TNS1: variants seen among roughly 807,000 people sequenced by gnomAD.
TNS1 encodes the protein tensin-1.
A neutral mutation model predicts 168.6 loss-of-function variants in TNS1; 62 were observed. The observed-to-expected ratio is 0.37, with a 90% confidence interval of 0.30 to 0.45. The LOEUF (loss-of-function observed/expected upper bound fraction) is 0.45. TNS1 is among the 20% of genes least tolerant of loss of function. The pLI is 1.00. For missense variants in TNS1, 2,240 were observed against 2,339.4 expected (o/e 0.96, Z 0.88); for synonymous variants, 934 against 933.2 (o/e 1.00, Z -0.02).
chr2:217,923,603 G>A (rs997333287), intron 3 of TNS1, among the ~76,000 whole-genome samples: 1 of 152,148 alleles, frequency 6.6e-6, no homozygotes. Context: ...ACACATCCAC[G>A]GAGCCATCCA....
chr2:217,997,629 G>A (rs1051291542), intron 1 of TNS1, among the ~76,000 whole-genome samples: 1 of 152,226 alleles, frequency 6.6e-6, no homozygotes, highest in Non-Finnish European at 1.5e-5. Context: ...ACTTGCTGCA[G>A]TCTAACGGCC....
At chr2:217,815,110 G>A in intron 24 of TNS1, 112 bp from the exon 25 acceptor site, 2 of 822,670 alleles carry the variant, frequency 2.4e-6, no homozygotes, top group Non-Finnish European at 4.0e-6. Flanking sequence ...TGGAAATAGG[G>A]TCTTTGCAGA....
intron 3 of TNS1, among the ~76,000 whole-genome samples, chr2:217,959,765 A>C (rs1286972888): frequency 6.6e-6 from 1 of 152,018 alleles, no homozygotes; most frequent in African/African-American, 2.4e-5. Context: ...CAAGGGAAGC[A>C]GCTGGGTGGG....
upstream of TNS1, among the ~76,000 whole-genome samples, chr2:218,014,499 C>A (rs1436123209): frequency 6.6e-6 from 1 of 152,168 alleles, no homozygotes; most frequent in Non-Finnish European, 1.5e-5. Context: ...GAACTCACAC[C>A]CAGCCTCTCT....
At position 217,847,562 on chromosome 2, in the gene TNS1, A is replaced by C. The variant is rs753647383; in HGVS notation, c.2955T>G (p.Thr985=). ...PKEATSDPSR[T]PEEEPLNLEG... ...CTAAATTCAATGGCTCCTCCTCTGG[A>C]GTCCGGGAGGGGTCTGAAGTCGCTT... Residue 985 remains threonine, a synonymous_variant, in exon 19 of 33, where the codon ACT becomes ACG. Transcript: ENST00000682258. 1.2e-5 allele frequency: 18 copies of C among 1,485,754 alleles called. No individual in the cohort carries two copies. In the South Asian group the frequency reaches 2.5e-4, roughly 21 times the overall value. The allele number at this position is 1,485,754 out of a possible 1,614,324, so 92.0% of individuals were successfully genotyped here.
In TNS1 at chr2:217,835,116, G is replaced by A; in HGVS notation, c.3255C>T (p.Ser1085=). Residue 1085 remains serine (S), a synonymous_variant, in exon 21 of 33, where the codon TCC becomes TCT. Transcript: ENST00000682258. Reference sequence around the variant, plus strand: ...CCCCACTGGGTGGTGGGCTGCTCGGGGAGGTTCCCTCCATCTCCTCGAAGG... The same window carrying A: ...CCCCACTGGGTGGTGGGCTGCTCGGAGAGGTTCCCTCCATCTCCTCGAAGG... The part of the protein sequence containing the change: ...KEAFEEMEGT[S]PSSPPPSGVR... The A allele has an allele frequency of 6.3e-7, 1 of 1,589,890 alleles. No individual in the cohort carries two copies. Among genetic ancestry groups the A allele is most frequent in the Non-Finnish European group, 8.5e-7 (1 of 1,171,404 alleles).
intron 3 of TNS1, among the ~76,000 whole-genome samples, chr2:217,963,713 T>A (rs1293260040): frequency 6.9e-6 from 1 of 145,272 alleles, no homozygotes; most frequent in Non-Finnish European, 1.5e-5. Context: ...TATTAACTCA[T>A]CACGTGAGCC....
chr2:217,946,613 A>T (rs1487174895), intron 3 of TNS1, among the ~76,000 whole-genome samples: 1 of 152,184 alleles, frequency 6.6e-6, no homozygotes, highest in Non-Finnish European at 1.5e-5. Flanking sequence ...GACCCAGGAC[A>T]TCCCAGACAC....
Position 217,942,361 on chromosome 2 carries a change from C to T in TNS1, c.187-22125G>A, listed in dbSNP as rs187012068. ...CCCTCCATGGGCAGCAGAGTCCAAG[C>T]CAACCCCAAGTTGGGTCTCCAGTGC... is the stretch of plus-strand genomic sequence containing the variant. On this transcript the variant is annotated intron_variant, in intron 3 of 32. Coordinates refer to ENST00000682258, the MANE Select transcript of TNS1 (RefSeq NM_001387777.1). Among the ~76,000 whole-genome samples the T allele has an allele frequency of 4.9e-4, 74 of 152,320 alleles. 1 individual carries two copies. In the East Asian group the frequency reaches 8.9e-3, roughly 18 times the overall value.
rs1195375571 is a variant in TNS1 at position 217,880,057 on chromosome 2, A to G, written c.1429+841T>C. Among the ~76,000 whole-genome samples, 3 of 152,202 alleles carry G rather than the reference A, an allele frequency of 2.0e-5. No individual in the cohort carries two copies. The highest frequency in any genetic ancestry group is 4.4e-5 in the Non-Finnish European group (3 of 68,034). ...CATCCTGAAGGTCCTCCCAGCTCCA[A>G]CATTCTGCAGTCCTACGACCAACTC... On this transcript the variant is annotated intron_variant, in intron 18 of 32. Coordinates refer to ENST00000682258, the MANE Select transcript of TNS1 (RefSeq NM_001387777.1). This position sits in a 1 kb window ranked among gnomAD's most constrained non-coding sequence, Gnocchi z 4.2.
intron 2 of TNS1, among the ~76,000 whole-genome samples, chr2:217,989,325 G>A (rs1177033433): frequency 6.6e-6 from 1 of 152,178 alleles, no homozygotes; most frequent in Admixed American, 6.5e-5. Flanking sequence ...GGTGTGGACG[G>A]TGGGTCACAG....
At chr2:217,968,901 G>A (rs1219938238) in intron 3 of TNS1, among the ~76,000 whole-genome samples, 3 of 152,044 alleles carry the variant, frequency 2.0e-5, no homozygotes, top group Non-Finnish European at 4.4e-5. Context: ...CACCATGTTG[G>A]TCAGGCTGGT....
upstream of TNS1, among the ~76,000 whole-genome samples, chr2:218,011,684 C>T (rs1002633046): frequency 1.3e-5 from 2 of 152,024 alleles, no homozygotes; most frequent in East Asian, 3.8e-4. Flanking sequence ...CCAAGCTCTC[C>T]TCCGCCTGCC....
Position 217,800,997 on chromosome 2 carries a change from A to C in TNS1, c.*3462T>G, listed in dbSNP as rs1337434091. The C allele has an allele frequency of 6.6e-6, 1 of 152,128 alleles. No individual in the cohort carries two copies. Among genetic ancestry groups the C allele is most frequent in the Non-Finnish European group, 1.5e-5 (1 of 68,050 alleles). 9.4% of individuals were successfully genotyped at this position (152,128 alleles called of 1,614,324 possible). A position where few individuals can be genotyped will look rare whatever the true frequency, so the allele number is the denominator to read the frequency against. On this transcript the variant is annotated 3_prime_UTR_variant, in exon 33 of 33. Transcript: ENST00000682258. Reference sequence around the variant, plus strand: ...GGAGGGCTGCCCCTCCTGCTTTCACACAACCACTGGCCCCACCATCCCTCT... The same window carrying C: ...GGAGGGCTGCCCCTCCTGCTTTCACCCAACCACTGGCCCCACCATCCCTCT...
chr2:217,823,507 T>C (rs1194825338), intron 22 of TNS1, among the ~76,000 whole-genome samples: 14 of 152,210 alleles, frequency 9.2e-5, no homozygotes, highest in Admixed American at 9.2e-4. Flanking sequence ...CATAGGGGCA[T>C]GGCCTCCGTG....
chr2:217,841,072 A>G (rs1354712691), intron 19 of TNS1: 3 of 267,460 alleles, frequency 1.1e-5, no homozygotes, highest in East Asian at 3.5e-4. Flanking sequence ...GAAAAGACAG[A>G]GGAGAGAAGG....
upstream of TNS1, among the ~76,000 whole-genome samples, chr2:218,013,428 G>A (rs1299855163): frequency 6.6e-6 from 1 of 152,128 alleles, no homozygotes; most frequent in Non-Finnish European, 1.5e-5. Context: ...GGAGGGATCA[G>A]GGAAGCCTGG....
At position 217,998,016 on chromosome 2, in the gene TNS1, C is replaced by T. The variant is rs529936924; in HGVS notation, c.33+4824G>A. ...AGAAGAAAGAGAACGTGGGGCTACACTTGTTACAAGCCAAGACACCAGGTG... is the reference window on the plus strand; with the variant it reads ...AGAAGAAAGAGAACGTGGGGCTACATTTGTTACAAGCCAAGACACCAGGTG... On this transcript the variant is annotated intron_variant, in intron 1 of 32. Coordinates refer to ENST00000682258, the MANE Select transcript of TNS1 (RefSeq NM_001387777.1). 5.9e-5 allele frequency among the ~76,000 whole-genome samples: 9 copies of T among 152,350 alleles called. No individual in the cohort carries two copies. In the South Asian group the frequency reaches 1.9e-3, roughly 32 times the overall value.
intron 1 of TNS1, among the ~76,000 whole-genome samples, chr2:218,026,127 T>C (rs1958848009): frequency 6.6e-6 from 1 of 152,196 alleles, no homozygotes; most frequent in Non-Finnish European, 1.5e-5. Context: ...GAATAACATC[T>C]TGATTAAGAG....
Sources: allele counts gnomAD v4.1 joint callset (sites outside exome capture counted in the v4.1 genomes callset), GRCh38; gene constraint gnomAD v4.1.1; non-coding constraint Gnocchi (gnomAD v3.1); transcripts MANE v1.5; gene names NCBI Gene and HGNC (gene_info 2026-07-23, HGNC 2026-07-21).